CXCL12: variants seen among roughly 807,000 people sequenced by gnomAD.
CXCL12 encodes the protein stromal cell-derived factor 1.
A neutral mutation model predicts 10.7 loss-of-function variants in CXCL12; 4 were observed. That is an observed-to-expected ratio of 0.37 (90% CI 0.18 to 0.86). The LOEUF is 0.86. CXCL12 is among the 40% of genes least tolerant of loss of function. The pLI is 0.43. For synonymous variants in CXCL12, 54 were observed against 45.4 expected, an observed-to-expected ratio of 1.19 and a Z score of -0.77; for missense variants, 122 against 110.4, an observed-to-expected ratio of 1.10 and a Z score of -0.47.
At chr10:44,374,877 G>A (rs997241505), downstream of CXCL12, 12 of 363,740 alleles carry the variant, frequency 3.3e-5, no homozygotes, top group Admixed American at 4.3e-4. Context: ...TACTGAAATG[G>A]GGTCCTTGCT....
At chr10:44,382,207 G>A (rs1839653232) in intron 1 of CXCL12, among the ~76,000 whole-genome samples, 1 of 152,170 alleles carries the variant, frequency 6.6e-6, no homozygotes, top group African/African-American at 2.4e-5. Flanking sequence ...ACCTAAGGCA[G>A]CCTTCACAGT....
chr10:44,373,079 T>C (rs759965928), downstream of CXCL12: 1 of 1,536,720 alleles, frequency 6.5e-7, no homozygotes, highest in South Asian at 1.2e-5. Context: ...ATAAGGCAAG[T>C]ACAATAATGG....
At chr10:44,372,565 C>T (rs1413062832), downstream of CXCL12, 5 of 1,036,506 alleles carry the variant, frequency 4.8e-6, no homozygotes, top group East Asian at 8.2e-5. Flanking sequence ...TTTCAGGTAA[C>T]ACAAGACATT....
chr10:44,383,148 G>A (rs1839683211), intron 1 of CXCL12, among the ~76,000 whole-genome samples: 1 of 152,168 alleles, frequency 6.6e-6, no homozygotes, highest in African/African-American at 2.4e-5. Flanking sequence ...CAGGACCCCT[G>A]GCCAAGCTCT....
chr10:44,381,050 G>T (rs932687549), intron 1 of CXCL12, among the ~76,000 whole-genome samples, 170 bp from the exon 2 acceptor site: 1 of 152,220 alleles, frequency 6.6e-6, no homozygotes, highest in African/African-American at 2.4e-5. Context: ...AGGCAACACA[G>T]TGAGTGCTGG....
intron 1 of CXCL12, among the ~76,000 whole-genome samples, chr10:44,383,616 G>GC (rs1301289448): frequency 7.3e-6 from 1 of 136,570 alleles, no homozygotes; most frequent in African/African-American, 2.8e-5. Context: ...TTGCGGGGGG[G>GC]GGGGGGGGTC....
chr10:44,379,773 T>C (rs1392961186), intron 2 of CXCL12, among the ~76,000 whole-genome samples: 1 of 152,252 alleles, frequency 6.6e-6, no homozygotes, highest in Non-Finnish European at 1.5e-5. Flanking sequence ...AAATTGAGCA[T>C]CTTTAAAATA....
chr10:44,378,786 G>C, intron 2 of CXCL12, 63 bp from the exon 3 acceptor site: 2 of 1,537,202 alleles, frequency 1.3e-6, no homozygotes, highest in Non-Finnish European at 1.8e-6. Context: ...TGCAACGTGT[G>C]CATCCGCTCC....
intron 1 of CXCL12, among the ~76,000 whole-genome samples, chr10:44,382,742 A>G (rs1285505260): frequency 6.6e-6 from 1 of 151,884 alleles, no homozygotes; most frequent in African/African-American, 2.4e-5. Flanking sequence ...TCTTGCTTCT[A>G]CTCCCAGGAC....
chr10:44,374,568 G>A (rs941091613), downstream of CXCL12: 8 of 455,912 alleles, frequency 1.8e-5, no homozygotes, highest in East Asian at 2.1e-4. Flanking sequence ...AGATAGCAGC[G>A]GGAAACAAAG....
At chr10:44,372,882 C>G, downstream of CXCL12, 1 of 1,534,504 alleles carries the variant, frequency 6.5e-7, no homozygotes, top group Non-Finnish European at 8.7e-7. Flanking sequence ...CAGAGAGAAG[C>G]CTTCACTAGG....
rs1380243208 is a variant in CXCL12, at chr10:44,385,070, T to C, written c.-65A>G. ...CGGGGGCCGGACGCCGAGCGGGCAA[T>C]GCGGCTGACGGAGAGTGAAAGTGCG... On this transcript the variant is annotated 5_prime_UTR_variant, in exon 1 of 3. Transcript: ENST00000343575. 86 of 1,245,862 alleles carry C rather than the reference T, an allele frequency of 6.9e-5. No homozygotes were observed. In the South Asian group the frequency reaches 8.4e-4, roughly 12 times the overall value. The allele number at this position is 1,245,862 out of a possible 1,614,324, so 77.2% of individuals were successfully genotyped here.
At chr10:44,372,096 G>A (rs1839329944), downstream of CXCL12, 1 of 152,272 alleles carries the variant, frequency 6.6e-6, no homozygotes, top group African/African-American at 2.4e-5. Context: ...TGAAGAAGAT[G>A]AGGTTAGATG....
exon 4 of CXCL12, chr10:44,370,551 A>T (rs2132033849): frequency 6.6e-6 from 1 of 152,320 alleles, no homozygotes; most frequent in East Asian, 1.9e-4. Flanking sequence ...CTGTAGAGGG[A>T]TCAGAGCACT....
Position 44,377,690 on chromosome 10 carries a change from A to G in CXCL12, c.*943T>C, listed in dbSNP as rs1460835953. 54 of 1,592,756 alleles carry G rather than the reference A, an allele frequency of 3.4e-5. 1 individual carries two copies. Among genetic ancestry groups the G allele is most frequent in the Non-Finnish European group, 5.9e-6 (7 of 1,177,420 alleles). ...CCAGTCACTCAAAGCGAGCTCTCAG[A>G]TTTAAAATTGCATTTGATTCTGTAA... On this transcript the variant is annotated 3_prime_UTR_variant, in exon 3 of 3. Coordinates refer to ENST00000343575, the MANE Select transcript of CXCL12 (RefSeq NM_199168.4).
Position 44,378,402 on chromosome 10 carries a change from G to A in CXCL12, c.*231C>T. On this transcript the variant is annotated 3_prime_UTR_variant, in exon 3 of 3. Transcript: ENST00000343575. Reference sequence around the variant, plus strand: ...AGTAATAAAAGTTCCAACGTGCACAGGTACAGGGCATGGATGAATATAAGC... The same window carrying A: ...AGTAATAAAAGTTCCAACGTGCACAAGTACAGGGCATGGATGAATATAAGC... 1 of 1,550,664 alleles carries A rather than the reference G, an allele frequency of 6.4e-7. No homozygotes were observed. The highest frequency in any genetic ancestry group is 2.4e-5 in the East Asian group (1 of 41,174).
chr10:44,377,650 A>G lies in CXCL12; in HGVS notation c.*983T>C. On this transcript the variant is annotated 3_prime_UTR_variant, in exon 3 of 3. Transcript: ENST00000343575. ...CCTCCATGGCATACATAGGCTTCAG[A>G]GGCAATCACAAAACCCAGTCACTCA... is the stretch of plus-strand genomic sequence containing the variant. 1 of 1,552,224 alleles carries G rather than the reference A, an allele frequency of 6.4e-7. No individual in the cohort carries two copies. The highest frequency in any genetic ancestry group is 8.6e-7 in the Non-Finnish European group (1 of 1,156,638).
exon 4 of CXCL12, chr10:44,370,342 T>C (rs992381101): frequency 1.3e-5 from 2 of 152,630 alleles, no homozygotes; most frequent in Non-Finnish European, 2.9e-5. Flanking sequence ...ATCTGGGAGA[T>C]GCAATTGAAA....
chr10:44,385,009 G>A lies in CXCL12; in HGVS notation c.-4C>T. The A allele has an allele frequency of 1.5e-6, 2 of 1,325,710 alleles. No homozygotes were observed. 82.1% of individuals were successfully genotyped at this position (1,325,710 alleles called of 1,614,324 possible). A position where few individuals can be genotyped will look rare whatever the true frequency, so the allele number is the denominator to read the frequency against. The stretch of plus-strand genomic sequence containing the variant: ...CGACCACGACCTTGGCGTTCATGGC[G>A]CGGGCGGGCGGGCGGGCGGGCGGAC... On this transcript the variant is annotated 5_prime_UTR_variant, in exon 1 of 3. Coordinates refer to ENST00000343575, the MANE Select transcript of CXCL12 (RefSeq NM_199168.4).
Sources: gnomAD v4.1 joint callset for allele counts (sites outside exome capture counted in the v4.1 genomes callset) on GRCh38, gnomAD v4.1.1 for gene constraint, MANE v1.5 for transcripts, NCBI Gene and HGNC (gene_info 2026-07-23, HGNC 2026-07-21) for gene names.